Variants in TENM1 observed in about 807,000 individuals in gnomAD.
TENM1 encodes teneurin-1.
In TENM1, 35 loss-of-function variants were observed where a neutral mutation model predicts 174.8. The ratio of observed to expected loss-of-function variants is 0.20; its 90% CI spans 0.15 to 0.27. TENM1 has a LOEUF of 0.27. TENM1 is among the 10% of genes least tolerant of loss of function. The pLI, the probability that TENM1 is intolerant of heterozygous loss-of-function variation, is 1.00. For synonymous variants in TENM1, 781 were observed against 798.7 expected (o/e 0.98, Z 0.37); for missense variants, 1,633 against 2,130.1 (o/e 0.77, Z 4.59).
At chrX:124,517,138 G>A (rs1358894289) in intron 18 of TENM1, among the ~76,000 whole-genome samples, 1 of 110,206 alleles carries the variant, frequency 9.1e-6, no homozygotes, top group Non-Finnish European at 1.9e-5. Context: ...ACACACACTG[G>A]GGCCTATTTG....
intron 4 of TENM1, among the ~76,000 whole-genome samples, chrX:124,733,663 T>C (rs2053610699): frequency 8.9e-6 from 1 of 112,258 alleles, no homozygotes; most frequent in Non-Finnish European, 1.9e-5. Flanking sequence ...TAATAACGTT[T>C]CTGGCTTTTA....
intron 4 of TENM1, among the ~76,000 whole-genome samples, chrX:124,720,271 A>G (rs2053280825): frequency 8.9e-6 from 1 of 112,193 alleles, no homozygotes; most frequent in African/African-American, 3.2e-5. Context: ...AAGTCTGATA[A>G]GAAACATATA....
chrX:124,799,896 AATTAC>A (rs1450905623), intron 3 of TENM1, among the ~76,000 whole-genome samples: 2 of 111,605 alleles, frequency 1.8e-5, no homozygotes, highest in Non-Finnish European at 3.8e-5. Flanking sequence ...TTATGTGATG[AATTAC>A]ATTTGTTGAT....
chrX:124,626,508 A>T (rs1019052742), intron 11 of TENM1, among the ~76,000 whole-genome samples: 2 of 112,076 alleles, frequency 1.8e-5, no homozygotes, highest in Non-Finnish European at 3.8e-5. Flanking sequence ...TGACTCATAC[A>T]ACTGGATGAT....
intron 22 of TENM1, among the ~76,000 whole-genome samples, chrX:124,457,954 G>A (rs977756095): frequency 8.9e-6 from 1 of 111,787 alleles, no homozygotes; most frequent in African/African-American, 3.2e-5. Flanking sequence ...CAAGAAAACT[G>A]AAATACTGGA....
chrX:124,642,147 T>C lies in TENM1; in HGVS notation c.1877-156A>G, dbSNP rs1049896967. ...AATAAAATGACTCATGCAAACACTC[T>C]GTCCAAACCATATTATTAACACTTC... is the stretch of plus-strand genomic sequence containing the variant. On this transcript the variant is annotated intron_variant, in intron 10 of 31. Coordinates refer to ENST00000422452, the Ensembl canonical transcript of TENM1. Among the ~76,000 whole-genome samples the C allele has an allele frequency of 5.3e-5, 6 of 112,543 alleles. No individual in the cohort carries two copies. The Admixed American group carries it at 5.6e-4, about 11-fold the overall frequency.
chrX:124,838,460 TGA>T (rs1430281160), intron 3 of TENM1, among the ~76,000 whole-genome samples: 1 of 111,994 alleles, frequency 8.9e-6, no homozygotes. Flanking sequence ...AGACACAGAC[TGA>T]GACAAGATAT....
At chrX:124,524,046 T>G (rs1268400962) in intron 16 of TENM1, among the ~76,000 whole-genome samples, 2 of 109,656 alleles carry the variant, frequency 1.8e-5, no homozygotes, top group African/African-American at 6.7e-5. Context: ...GGCTAATTTT[T>G]GTATTCTTTA....
intron 5 of TENM1, among the ~76,000 whole-genome samples, chrX:124,687,820 C>T (rs766642304): frequency 2.7e-5 from 3 of 112,360 alleles, no homozygotes; most frequent in Non-Finnish European, 5.6e-5. Flanking sequence ...AAGACAAATA[C>T]TACATGATCT....
At chrX:125,200,673 G>GAGAGAC in the TENM1 span, among the ~76,000 whole-genome samples, 2 of 108,575 alleles carry the variant, frequency 1.8e-5, no homozygotes, top group Non-Finnish European at 3.8e-5. Flanking sequence ...GAGAGAGAGA[G>GAGAGAC]AGAGAACAAA....
intron 5 of TENM1, among the ~76,000 whole-genome samples, chrX:124,686,494 T>G (rs904210360): frequency 8.0e-5 from 9 of 112,215 alleles, no homozygotes; most frequent in African/African-American, 2.3e-4. Flanking sequence ...TGCTTATCCC[T>G]GATGAACATT....
the TENM1 span, among the ~76,000 whole-genome samples, chrX:125,108,081 C>G: frequency 4.5e-5 from 5 of 112,208 alleles, no homozygotes; most frequent in African/African-American, 1.6e-4. Flanking sequence ...TCCATCTCTG[C>G]TAATGAGATT....
chrX:124,650,157 G>A (rs750867091), intron 8 of TENM1, among the ~76,000 whole-genome samples: 2 of 94,401 alleles, frequency 2.1e-5, no homozygotes, highest in African/African-American at 8.1e-5. Context: ...AGCCGAGATC[G>A]TGCCATTGCA....
At chrX:124,574,282 T>A (rs998700645) in intron 11 of TENM1, among the ~76,000 whole-genome samples, 1 of 111,418 alleles carries the variant, frequency 9.0e-6, no homozygotes, top group Non-Finnish European at 1.9e-5. Context: ...TCAGAACCAC[T>A]TCTCTGAGAT....
the TENM1 span, among the ~76,000 whole-genome samples, chrX:124,983,614 GT>G: frequency 1.8e-5 from 2 of 110,688 alleles, no homozygotes; most frequent in African/African-American, 6.6e-5. Flanking sequence ...GTGATATGAA[GT>G]TTTTTTGTTG....
At chrX:124,635,119 G>A (rs1364387558) in intron 11 of TENM1, among the ~76,000 whole-genome samples, 2 of 111,694 alleles carry the variant, frequency 1.8e-5, no homozygotes, top group Non-Finnish European at 3.8e-5. Flanking sequence ...CATAATCAGT[G>A]TCAATAGTTC....
chrX:125,124,590 T>A, the TENM1 span, among the ~76,000 whole-genome samples: 1 of 112,263 alleles, frequency 8.9e-6, no homozygotes, highest in Admixed American at 9.5e-5. Flanking sequence ...GTATTGCTTT[T>A]CCATTTCAAG....
At chrX:124,479,641 C>T (rs2046802654) in intron 22 of TENM1, among the ~76,000 whole-genome samples, 1 of 111,172 alleles carries the variant, frequency 9.0e-6, no homozygotes, top group Non-Finnish European at 1.9e-5. Flanking sequence ...TTTGGAAAAG[C>T]TAAAATATTC....
chrX:124,492,245 G>C (rs2047083813), intron 20 of TENM1, among the ~76,000 whole-genome samples: 1 of 111,520 alleles, frequency 9.0e-6, no homozygotes, highest in African/African-American at 3.3e-5. Context: ...ACCAAGTAAA[G>C]TGACTAATTT....
Sources: allele counts gnomAD v4.1 joint callset (sites outside exome capture counted in the v4.1 genomes callset), GRCh38; gene constraint gnomAD v4.1.1; transcripts MANE v1.5; gene names NCBI Gene and HGNC (gene_info 2026-07-23, HGNC 2026-07-21).